The following FRMD4A variants were observed in gnomAD, a reference collection of about 807,000 sequenced individuals.
FRMD4A encodes the protein FERM domain containing 4A, also known as FERM domain-containing protein 4A.
In FRMD4A, 29 loss-of-function variants were observed where a neutral mutation model predicts 129.1. The ratio of observed to expected loss-of-function variants is 0.22; its 90% CI spans 0.17 to 0.31. The LOEUF (loss-of-function observed/expected upper bound fraction) is 0.31, where lower values mean the gene tolerates loss of function less well. Among genes scored for constraint, FRMD4A ranks in the 10% least tolerant of loss-of-function variants. The pLI is 1.00. For synonymous variants in FRMD4A, 634 were observed against 571.6 expected (o/e 1.11, Z -1.56); for missense variants, 1,272 against 1,375.8 (o/e 0.92, Z 1.19).
At chr10:14,114,712 A>G (rs1041366997) in intron 2 of FRMD4A, among the ~76,000 whole-genome samples, 1 of 152,118 alleles carries the variant, frequency 6.6e-6, no homozygotes, top group African/African-American at 2.4e-5. Flanking sequence ...GTCAGCTGAC[A>G]TTTTTTTGGA....
chr10:14,152,952 G>A (rs548463529), intron 2 of FRMD4A, among the ~76,000 whole-genome samples: 67 of 152,292 alleles, frequency 4.4e-4, no homozygotes, highest in African/African-American at 1.6e-3. Context: ...AGAGCCCCAG[G>A]AAGGAGGCAA....
chr10:13,854,187 T>G (rs946073164), intron 3 of FRMD4A, among the ~76,000 whole-genome samples: 1 of 152,202 alleles, frequency 6.6e-6, no homozygotes, highest in African/African-American at 2.4e-5. Flanking sequence ...TCATTCTCAC[T>G]ATGGCTAAAG....
intron 2 of FRMD4A, among the ~76,000 whole-genome samples, chr10:14,148,223 G>A (rs2131851118): frequency 6.6e-6 from 1 of 152,288 alleles, no homozygotes; most frequent in East Asian, 1.9e-4. Context: ...GATGTTGAAA[G>A]GAAATAAAAG....
intron 12 of FRMD4A, among the ~76,000 whole-genome samples, chr10:13,713,042 C>T (rs763292355): frequency 2.6e-5 from 4 of 152,186 alleles, no homozygotes; most frequent in Admixed American, 6.5e-5. Context: ...TGGAAATAGA[C>T]GCTTGAGAGG....
At position 13,765,112 on chromosome 10, in the gene FRMD4A, TTG is replaced by T. The variant is rs553924639; in HGVS notation, c.385-2434_385-2433del. Among the ~76,000 whole-genome samples the T allele has an allele frequency of 1.2e-3, 105 of 88,150 alleles. 1 individual carries two copies. The highest frequency in any genetic ancestry group is 1.9e-3 in the Admixed American group (12 of 6,414). The allele number at this position is 88,150 out of a possible 152,430, so 57.8% of individuals were successfully genotyped here. ...TGATTCAAGGATTGATTTTTTTTTT[TTG>T]TTTTTTTTTTTTTTTTTGAGACGGA... On this transcript the variant is annotated intron_variant, in intron 6 of 24. Coordinates refer to ENST00000357447, the MANE Select transcript of FRMD4A (RefSeq NM_018027.5).
intron 2 of FRMD4A, among the ~76,000 whole-genome samples, chr10:14,104,346 G>A (rs1837472484): frequency 6.6e-6 from 1 of 152,232 alleles, no homozygotes; most frequent in South Asian, 2.1e-4. Flanking sequence ...CACTGCCATT[G>A]AGGTCTACAC....
rs2082170444 is a variant in FRMD4A at position 13,656,606 on chromosome 10, TC to T, written c.2953+29del. 8 of 1,370,418 alleles carry T rather than the reference TC, an allele frequency of 5.8e-6. No individual in the cohort carries two copies. In the Admixed American group the frequency reaches 8.6e-5, roughly 15 times the overall value. The allele number at this position is 1,370,418 out of a possible 1,614,324, so 84.9% of individuals were successfully genotyped here. The stretch of plus-strand genomic sequence containing the variant: ...CGGCAAGCAGTTCGCCCTCAGGTCT[TC>T]CCGCGTGCACCTGGCCGCCCCCTCT... On this transcript the variant is annotated intron_variant, in intron 22 of 24. Coordinates refer to ENST00000357447, the MANE Select transcript of FRMD4A (RefSeq NM_018027.5).
intron 2 of FRMD4A, among the ~76,000 whole-genome samples, chr10:14,180,668 G>A (rs1006574645): frequency 2.0e-5 from 3 of 152,196 alleles, no homozygotes; most frequent in South Asian, 4.1e-4. Flanking sequence ...CAATGGATAC[G>A]ATTCCTAATC....
intron 2 of FRMD4A, among the ~76,000 whole-genome samples, chr10:14,099,997 C>T (rs537145492): frequency 1.3e-5 from 2 of 152,244 alleles, no homozygotes; most frequent in South Asian, 2.1e-4. Context: ...GTTCTCTGTC[C>T]CTGCCATTTA....
chr10:13,779,319 G>GAA (rs36067710), intron 6 of FRMD4A, among the ~76,000 whole-genome samples: 1 of 144,774 alleles, frequency 6.9e-6, no homozygotes. Flanking sequence ...CCATCTCCAA[G>GAA]AAAAAAAAAA....
chr10:14,057,187 G>C (rs1231882014), intron 2 of FRMD4A, among the ~76,000 whole-genome samples: 1 of 152,210 alleles, frequency 6.6e-6, no homozygotes, highest in African/African-American at 2.4e-5. Flanking sequence ...TGTCAATATA[G>C]TTCCTAGGCT....
chr10:14,194,176 C>A (rs1023876058), intron 2 of FRMD4A, among the ~76,000 whole-genome samples: 2 of 152,158 alleles, frequency 1.3e-5, no homozygotes, highest in Non-Finnish European at 2.9e-5. Flanking sequence ...AAAGTAAAAG[C>A]AAATAACAAA....
chr10:14,155,105 C>A (rs1840530096), intron 2 of FRMD4A, among the ~76,000 whole-genome samples: 1 of 152,140 alleles, frequency 6.6e-6, no homozygotes, highest in Admixed American at 6.5e-5. Flanking sequence ...CCTGGGCAAC[C>A]CAGTGAGATC....
At chr10:14,110,524 G>T (rs372612303) in intron 2 of FRMD4A, among the ~76,000 whole-genome samples, 2 of 152,016 alleles carry the variant, frequency 1.3e-5, no homozygotes, top group Non-Finnish European at 2.9e-5. Flanking sequence ...ATAAACATTC[G>T]GGACAATGGA....
chr10:14,326,440 A>C (rs1190954423), intron 2 of FRMD4A: 1 of 155,466 alleles, frequency 6.4e-6, no homozygotes, highest in African/African-American at 2.4e-5. Context: ...GACCATTGAC[A>C]GTTTCCCAAA....
intron 2 of FRMD4A, among the ~76,000 whole-genome samples, chr10:13,950,317 C>T (rs2095362695): frequency 6.6e-6 from 1 of 152,236 alleles, no homozygotes; most frequent in Admixed American, 6.5e-5. Flanking sequence ...TGATCTGTAA[C>T]TCAAGACTGG....
At chr10:14,318,481 G>A (rs1655751816) in intron 2 of FRMD4A, among the ~76,000 whole-genome samples, 1 of 152,098 alleles carries the variant, frequency 6.6e-6, no homozygotes. Context: ...TCACAGAGCA[G>A]GCTGACCAGG....
chr10:14,280,002 T>C (rs913203128), intron 2 of FRMD4A, among the ~76,000 whole-genome samples: 2 of 152,170 alleles, frequency 1.3e-5, no homozygotes, highest in Non-Finnish European at 2.9e-5. Context: ...ACTCCTGACT[T>C]CAATTTCTTA....
Position 14,206,186 on chromosome 10 carries a change from C to T in FRMD4A, c.45+123872G>A, listed in dbSNP as rs183857147. Among the ~76,000 whole-genome samples the T allele has an allele frequency of 4.9e-3, 745 of 152,246 alleles. 5 individuals are homozygous for T. The highest frequency in any genetic ancestry group is 5.1e-3 in the Non-Finnish European group (349 of 68,020). On this transcript the variant is annotated intron_variant, in intron 2 of 24. Coordinates refer to ENST00000357447, the MANE Select transcript of FRMD4A (RefSeq NM_018027.5). ...TCAATATTCAGAATAATCTAAGAGA[C>T]GCCACATAACCACAAGGACACACAA... is the stretch of plus-strand genomic sequence containing the variant.
Sources: allele counts gnomAD v4.1 joint callset (sites outside exome capture counted in the v4.1 genomes callset), GRCh38; gene constraint gnomAD v4.1.1; transcripts MANE v1.5; gene names NCBI Gene and HGNC (gene_info 2026-07-23, HGNC 2026-07-21).